CRKL: variants seen among roughly 807,000 people sequenced by gnomAD.
The protein encoded by CRKL is CRK like proto-oncogene, adaptor protein.
CRKL carries 3 observed loss-of-function variants against 23.0 expected under a neutral mutation model. That is an observed-to-expected ratio of 0.13 (90% CI 0.06 to 0.34). The LOEUF (loss-of-function observed/expected upper bound fraction) is 0.34. Among genes scored for constraint, CRKL ranks in the 10% least tolerant of loss-of-function variants. CRKL has a pLI of 1.00. For synonymous variants in CRKL, 188 were observed against 160.7 expected (o/e 1.17, Z -1.28); for missense variants, 256 against 394.5 (o/e 0.65, Z 2.97).
At chr22:20,920,778 T>C (rs1200238514) in intron 1 of CRKL, among the ~76,000 whole-genome samples, 2 of 152,182 alleles carry the variant, frequency 1.3e-5, no homozygotes, top group Non-Finnish European at 2.9e-5. Context: ...ACTGACTGCC[T>C]TAACTACACC....
chr22:20,918,592 CTTTTTTTT>C (rs66827795), intron 1 of CRKL, among the ~76,000 whole-genome samples: 1 of 89,338 alleles, frequency 1.1e-5, no homozygotes, highest in African/African-American at 4.1e-5. Context: ...CTAAAAACCT[CTTTTTTTT>C]TTTTTTTTTT....
Position 20,927,192 on chromosome 22 carries a change from A to ATTTTTTTTTTTTTTTTTT in CRKL, c.312-6586_312-6569dup, listed in dbSNP as rs532930393. Among the ~76,000 whole-genome samples, 288 of 81,952 alleles carry ATTTTTTTTTTTTTTTTTT rather than the reference A, an allele frequency of 3.5e-3. 44 individuals are homozygous for ATTTTTTTTTTTTTTTTTT. Among genetic ancestry groups the ATTTTTTTTTTTTTTTTTT allele is most frequent in the African/African-American group, 0.014 (244 of 16,952 alleles). The allele number at this position is 81,952 out of a possible 152,430, so 53.8% of individuals were successfully genotyped here. ...AGTACTTAGCTCATCTTGGAATTGA[A>ATTTTTTTTTTTTTTTTTT]TTTTTTTTTTTTTTTTTTGAGACAG... On this transcript the variant is annotated intron_variant, in intron 1 of 2. Transcript: ENST00000354336.
rs1922339748 is a variant in CRKL at position 20,953,152 on chromosome 22, AT to A, written c.*3309del. 3 of 231,806 alleles carry A rather than the reference AT, an allele frequency of 1.3e-5. No individual in the cohort carries two copies. The highest frequency in any genetic ancestry group is 2.2e-5 in the African/African-American group (1 of 45,330). 14.4% of individuals were successfully genotyped at this position (231,806 alleles called of 1,614,324 possible). A position where few individuals can be genotyped will look rare whatever the true frequency, so the allele number is the denominator to read the frequency against. Reference sequence around the variant, plus strand: ...AGGTGTTTATAATTAATCCTTTAATATTATGGTTATTAACCTCTTAAACATG... The same window carrying A: ...AGGTGTTTATAATTAATCCTTTAATATATGGTTATTAACCTCTTAAACATG... On this transcript the variant is annotated 3_prime_UTR_variant, in exon 3 of 3. Transcript: ENST00000354336.
At chr22:20,918,345 C>G (rs1929767027) in intron 1 of CRKL, 100 bp downstream of exon 1, 1 of 1,338,364 alleles carries the variant, frequency 7.5e-7, no homozygotes, top group Admixed American at 2.4e-5. Flanking sequence ...CCCATATTCC[C>G]CGCATTCTGA....
intron 2 of CRKL, among the ~76,000 whole-genome samples, chr22:20,938,220 G>T (rs1175524127): frequency 6.6e-6 from 1 of 152,156 alleles, no homozygotes; most frequent in African/African-American, 2.4e-5. Flanking sequence ...TGATGGCTTA[G>T]GTGACTTTAT....
chr22:20,941,589 T>TATATATA (rs1491187455), intron 2 of CRKL, among the ~76,000 whole-genome samples: 20 of 32,184 alleles, frequency 6.2e-4, no homozygotes, highest in African/African-American at 2.1e-3. Context: ...TATATATATA[T>TATATATA]TTTTTTTTTT....
At chr22:20,940,745 T>C (rs1394137237) in intron 2 of CRKL, among the ~76,000 whole-genome samples, 1 of 152,146 alleles carries the variant, frequency 6.6e-6, no homozygotes, top group Non-Finnish European at 1.5e-5. Flanking sequence ...CTGTAGTAAT[T>C]TGGATTACAT....
chr22:20,945,214 C>CG (rs1386686650), intron 2 of CRKL, among the ~76,000 whole-genome samples: 3 of 151,620 alleles, frequency 2.0e-5, no homozygotes, highest in Admixed American at 2.0e-4. Flanking sequence ...AGGATGGTCT[C>CG]GATCTCCTGA....
At position 20,950,984 on chromosome 22, in the gene CRKL, TGGG is replaced by T. The variant is rs1922254315; in HGVS notation, c.*1142_*1144del. On this transcript the variant is annotated 3_prime_UTR_variant, in exon 3 of 3. Coordinates refer to ENST00000354336, the MANE Select transcript of CRKL (RefSeq NM_005207.4). ...ACTTTGTTTTAAAAAGCATCAGAGT[TGGG>T]GGTACTTTAGGGAAACCTTTGCTTA... 1 of 232,602 alleles carries T rather than the reference TGGG, an allele frequency of 4.3e-6. No individual in the cohort carries two copies. The highest frequency in any genetic ancestry group is 6.1e-5 in the East Asian group (1 of 16,514). The allele number at this position is 232,602 out of a possible 1,614,324, so 14.4% of individuals were successfully genotyped here.
chr22:20,925,186 CAAAAAAA>C (rs11451684), intron 1 of CRKL, among the ~76,000 whole-genome samples: 1 of 101,000 alleles, frequency 9.9e-6, no homozygotes, highest in Non-Finnish European at 1.9e-5. Context: ...GACTCCGTCT[CAAAAAAA>C]AAAAAAAAAA....
intron 2 of CRKL, among the ~76,000 whole-genome samples, chr22:20,945,679 G>C (rs1024518147): frequency 3.3e-5 from 5 of 152,190 alleles, no homozygotes; most frequent in African/African-American, 4.8e-5. Context: ...CACACAGACA[G>C]GGAGCCTAGC....
At chr22:20,941,280 G>A (rs977494054) in intron 2 of CRKL, among the ~76,000 whole-genome samples, 5 of 151,402 alleles carry the variant, frequency 3.3e-5, no homozygotes, top group Admixed American at 1.3e-4. Flanking sequence ...TCTGGTGCCC[G>A]AGGAATCATT....
At position 20,917,929 on chromosome 22, in the gene CRKL, A is replaced by G. The variant is rs781397740; in HGVS notation, c.-6A>G. Reference sequence around the variant, plus strand: ...CCTACCGCCGCAGAGTCCCCGGTCCAACACCATGTCCTCCGCCAGGTTCGA... The same window carrying G: ...CCTACCGCCGCAGAGTCCCCGGTCCGACACCATGTCCTCCGCCAGGTTCGA... On this transcript the variant is annotated 5_prime_UTR_variant, in exon 1 of 3. Coordinates refer to ENST00000354336, the MANE Select transcript of CRKL (RefSeq NM_005207.4). 24 of 1,612,586 alleles carry G rather than the reference A, an allele frequency of 1.5e-5. No individual in the cohort carries two copies. The highest frequency in any genetic ancestry group is 1.4e-4 in the South Asian group (13 of 90,946).
rs1489242862 is a variant in CRKL, at chr22:20,950,608, T to C, written c.*763T>C. On this transcript the variant is annotated 3_prime_UTR_variant, in exon 3 of 3. Transcript: ENST00000354336. ...TTGTATTTTTAGTAGAGACGGGGTT[T>C]CATCATGTTGACCAGGCTGGTCTCA... 1 of 215,670 alleles carries C rather than the reference T, an allele frequency of 4.6e-6. No individual in the cohort carries two copies. Among genetic ancestry groups the C allele is most frequent in the East Asian group, 7.0e-5 (1 of 14,236 alleles). The allele number at this position is 215,670 out of a possible 1,614,324, so 13.4% of individuals were successfully genotyped here.
In CRKL at chr22:20,938,701, A is replaced by C. The variant is rs181409315; in HGVS notation, c.777+4457A>C. Among the ~76,000 whole-genome samples the C allele has an allele frequency of 5.9e-5, 9 of 152,308 alleles. No individual in the cohort carries two copies. The East Asian group carries it at 1.7e-3, about 29-fold the overall frequency. ...TCATGTAATAATATCATTCTCATTCATTTGCATTCCAGTATGCTTTTCTGA... is the reference window on the plus strand; with the variant it reads ...TCATGTAATAATATCATTCTCATTCCTTTGCATTCCAGTATGCTTTTCTGA... On this transcript the variant is annotated intron_variant, in intron 2 of 2. Transcript: ENST00000354336.
chr22:20,919,036 C>G (rs2147892993), intron 1 of CRKL, among the ~76,000 whole-genome samples: 1 of 149,842 alleles, frequency 6.7e-6, no homozygotes, highest in South Asian at 2.1e-4. Context: ...TGTACTCCCT[C>G]CAGATCTCTG....
intron 1 of CRKL, among the ~76,000 whole-genome samples, chr22:20,933,296 G>C (rs187598940): frequency 4.0e-5 from 6 of 151,802 alleles, no homozygotes; most frequent in African/African-American, 1.5e-4. Flanking sequence ...CTTGAACTTG[G>C]GATGCAGAGG....
chr22:20,944,123 C>T (rs1601684994), intron 2 of CRKL, among the ~76,000 whole-genome samples: 1 of 131,730 alleles, frequency 7.6e-6, no homozygotes. Context: ...TTGTAGATCA[C>T]TTTGGGTAGT....
intron 2 of CRKL, among the ~76,000 whole-genome samples, chr22:20,938,314 T>G (rs193149352): frequency 6.6e-6 from 1 of 152,306 alleles, no homozygotes; most frequent in East Asian, 1.9e-4. Context: ...AAAACCAGTT[T>G]GTGTTTAGCT....
Sources: gnomAD v4.1 joint callset for allele counts (sites outside exome capture counted in the v4.1 genomes callset) on GRCh38, gnomAD v4.1.1 for gene constraint, MANE v1.5 for transcripts, NCBI Gene and HGNC (gene_info 2026-07-23, HGNC 2026-07-21) for gene names.